Variants in YTHDC2 observed in about 807,000 individuals in gnomAD.
The protein encoded by YTHDC2 is YTH N6-methyladenosine RNA binding protein C2, also known as 3'-5' RNA helicase YTHDC2.
YTHDC2 carries 45 observed loss-of-function variants against 174.9 expected under a neutral mutation model. The observed-to-expected ratio is 0.26, with a 90% CI of 0.20 to 0.33. The LOEUF (loss-of-function observed/expected upper bound fraction) is 0.33, where lower values mean the gene tolerates loss of function less well. YTHDC2 is among the 10% of genes least tolerant of loss of function. The pLI is 1.00. For synonymous variants in YTHDC2, 657 were observed against 574.5 expected, an observed-to-expected ratio of 1.14 and a Z score of -2.05; for missense variants, 1,650 against 1,723.7, an observed-to-expected ratio of 0.96 and a Z score of 0.76.
At chr5:113,581,158 A>G (rs1484259976) in intron 24 of YTHDC2, 1 of 308,578 alleles carries the variant, frequency 3.2e-6, no homozygotes, top group East Asian at 6.0e-5. Context: ...CTTTTCCAGT[A>G]TTAATCACAC....
intron 26 of YTHDC2, among the ~76,000 whole-genome samples, chr5:113,590,710 A>G (rs1055238239): frequency 6.6e-6 from 1 of 152,230 alleles, no homozygotes; most frequent in African/African-American, 2.4e-5. Context: ...GCCTCCAGGC[A>G]GTAAGCTGGA....
Position 113,584,317 on chromosome 5 carries a change from T to C in YTHDC2, c.3663T>C (p.Ser1221=). 2 of 1,612,084 alleles carry C rather than the reference T, an allele frequency of 1.2e-6. No individual in the cohort carries two copies. The change falls in exon 26 of 30, where the codon TCT becomes TCC. Residue 1221 remains serine, a synonymous_variant. Coordinates refer to ENST00000161863, the MANE Select transcript of YTHDC2 (RefSeq NM_022828.5). ...CTTGCTCAAGAGTACTGATGAAATC[T>C]CCATCTCCAGCATTACACCCACCTC... is the stretch of plus-strand genomic sequence containing the variant. The part of the protein sequence containing the change: ...CTTAERVLMK[S]PSPALHPPQK...
rs1474735664 is a variant in YTHDC2 at position 113,553,920 on chromosome 5, TTAAAG to T, written c.2053-18_2053-14del. 3 of 1,584,238 alleles carry T rather than the reference TTAAAG, an allele frequency of 1.9e-6. No individual in the cohort carries two copies. The highest frequency in any genetic ancestry group is 3.8e-5 in the Admixed American group (2 of 52,316). On this transcript the variant is annotated splice_polypyrimidine_tract_variant and intron_variant, in intron 15 of 29. Coordinates refer to ENST00000161863, the MANE Select transcript of YTHDC2 (RefSeq NM_022828.5). ...TATTTTTTCTGTTTTTTTATTAACT[TTAAAG>T]TAATATCTTGTTGCAGATTCTTTCC...
intron 23 of YTHDC2, among the ~76,000 whole-genome samples, chr5:113,570,400 C>G (rs1777640830): frequency 6.6e-6 from 1 of 152,020 alleles, no homozygotes; most frequent in Admixed American, 6.6e-5. Flanking sequence ...TCATGCTTGG[C>G]CTTTTCCTAT....
At chr5:113,589,899 C>A (rs1200603984) in intron 26 of YTHDC2, among the ~76,000 whole-genome samples, 1 of 152,112 alleles carries the variant, frequency 6.6e-6, no homozygotes, top group Non-Finnish European at 1.5e-5. Flanking sequence ...TTACTTTTGG[C>A]ATTTTTTTCT....
At chr5:113,565,836 C>G in intron 20 of YTHDC2, 57 bp from the exon 21 acceptor site, 1 of 1,545,380 alleles carries the variant, frequency 6.5e-7, no homozygotes, top group Non-Finnish European at 8.7e-7. Flanking sequence ...TACTTGTTGC[C>G]TCACTAAGAA....
At chr5:113,557,825 T>C (rs1776717029) in intron 17 of YTHDC2, among the ~76,000 whole-genome samples, 1 of 152,064 alleles carries the variant, frequency 6.6e-6, no homozygotes. Flanking sequence ...ACAAATAGTA[T>C]ATTATTGGAG....
chr5:113,550,825 A>G (rs1001382131), intron 12 of YTHDC2, among the ~76,000 whole-genome samples: 1 of 152,094 alleles, frequency 6.6e-6, no homozygotes, highest in African/African-American at 2.4e-5. Flanking sequence ...AACCAATCGA[A>G]TTAATTGTCT....
At chr5:113,584,211 C>G in intron 25 of YTHDC2, 91 bp from the exon 26 acceptor site, 1 of 1,038,292 alleles carries the variant, frequency 9.6e-7, no homozygotes. Context: ...ATTGAAATGG[C>G]ATCTGCTTTG....
chr5:113,532,817 C>G (rs1774765519), intron 4 of YTHDC2, 62 bp from the exon 5 acceptor site: 2 of 1,454,790 alleles, frequency 1.4e-6, no homozygotes, highest in Non-Finnish European at 9.3e-7. Context: ...TCAGTTGATT[C>G]ACTTAGATTT....
intron 18 of YTHDC2, among the ~76,000 whole-genome samples, chr5:113,562,290 G>C (rs1055790057): frequency 1.4e-5 from 2 of 142,654 alleles, no homozygotes; most frequent in African/African-American, 5.3e-5. Flanking sequence ...GTGTGTGTGT[G>C]TTTTAAGTTT....
In YTHDC2 at chr5:113,533,359, A is replaced by G. The variant is rs189479817; in HGVS notation, c.842+314A>G. Among the ~76,000 whole-genome samples the G allele has an allele frequency of 3.3e-5, 5 of 152,072 alleles. No individual in the cohort carries two copies. In the East Asian group the frequency reaches 9.7e-4, roughly 29 times the overall value. ...GGAGTTCGAGACCAGCCTGACCAACATGGAGAAACCCTGTCTCTACTAAAA... is the reference window on the plus strand; with the variant it reads ...GGAGTTCGAGACCAGCCTGACCAACGTGGAGAAACCCTGTCTCTACTAAAA... On this transcript the variant is annotated intron_variant, in intron 5 of 29. Coordinates refer to ENST00000161863, the MANE Select transcript of YTHDC2 (RefSeq NM_022828.5).
chr5:113,518,827 CAT>C (rs1184125085), intron 2 of YTHDC2, among the ~76,000 whole-genome samples: 1 of 151,868 alleles, frequency 6.6e-6, no homozygotes, highest in Non-Finnish European at 1.5e-5. Context: ...AAAATTATGT[CAT>C]TTGTGATGGA....
intron 23 of YTHDC2, among the ~76,000 whole-genome samples, chr5:113,570,924 A>G (rs568340782): frequency 8.5e-5 from 13 of 152,268 alleles, no homozygotes; most frequent in Admixed American, 3.3e-4. Flanking sequence ...ATGTGCTGGG[A>G]TTATAGGCAT....
At position 113,542,465 on chromosome 5, in the gene YTHDC2, C is replaced by T. The variant is rs781417601; in HGVS notation, c.1457C>T (p.Ala486Val). The change falls in exon 10 of 30, where the codon GCT becomes GTT. Residue 486 changes from alanine to valine, a missense_variant. By Grantham distance (64) the Ala-to-Val change is moderately conservative. Around this residue, in one of 5 missense-constraint regions of YTHDC2, gnomAD observed 411 missense variants for 380.6 expected, o/e 1.08. Transcript: ENST00000161863. ...CTACATAAAGATATTGATGCCTTTG[C>T]TCAGGTCTTTCATCTCATTTTAACT... ...IWLHKDIDAF[A>V]QVFHLILTEN... is the part of the protein sequence containing the mutation. 1 of 1,610,294 alleles carries T rather than the reference C, an allele frequency of 6.2e-7. No homozygotes were observed. The highest frequency in any genetic ancestry group is 8.5e-7 in the Non-Finnish European group (1 of 1,178,926).
At chr5:113,517,541 TG>T in intron 2 of YTHDC2, 1 of 455,958 alleles carries the variant, frequency 2.2e-6, no homozygotes, top group Non-Finnish European at 4.4e-6. Context: ...GAGACAAAAA[TG>T]GGGAATGCGG....
intron 2 of YTHDC2, among the ~76,000 whole-genome samples, chr5:113,522,125 G>GT (rs1171090577): frequency 2.0e-3 from 201 of 100,532 alleles, no homozygotes; most frequent in Admixed American, 5.2e-3. Context: ...ATGAATGCCT[G>GT]TTTTTTTTGT....
chr5:113,591,970 ATTCC>A (rs1431990214), intron 27 of YTHDC2, 22 bp from the exon 28 acceptor site: 1 of 1,566,610 alleles, frequency 6.4e-7, no homozygotes. Flanking sequence ...CCTCACCTCT[ATTCC>A]TTCCTCCCAT....
At chr5:113,529,452 C>G (rs1048492837) in intron 4 of YTHDC2, among the ~76,000 whole-genome samples, 2 of 152,126 alleles carry the variant, frequency 1.3e-5, no homozygotes, top group African/African-American at 4.8e-5. Context: ...TAGCTAGATT[C>G]ACTGGTTATT....
Sources: allele counts gnomAD v4.1 joint callset (sites outside exome capture counted in the v4.1 genomes callset), GRCh38; gene constraint gnomAD v4.1.1; regional missense constraint gnomAD v4.1.1; transcripts MANE v1.5; gene names NCBI Gene and HGNC (gene_info 2026-07-23, HGNC 2026-07-21).